The following DOCK4 variants were observed in gnomAD, a reference collection of about 807,000 sequenced individuals.
DOCK4 encodes the protein dedicator of cytokinesis protein 4.
DOCK4 carries 97 observed loss-of-function variants against 268.1 expected under a neutral mutation model. That is an observed-to-expected ratio of 0.36 (90% CI 0.31 to 0.43). The LOEUF (loss-of-function observed/expected upper bound fraction) is 0.43. Ranked by LOEUF, DOCK4 falls within the 20% of genes least tolerant of loss-of-function variation. The probability of loss-of-function intolerance (pLI) is 1.00; values close to 1 mark genes in which losing one functional copy is unlikely to be tolerated. For synonymous variants in DOCK4, 954 were observed against 887.2 expected, an observed-to-expected ratio of 1.08 and a Z score of -1.34; for missense variants, 2,145 against 2,455.7, an observed-to-expected ratio of 0.87 and a Z score of 2.67.
intron 51 of DOCK4, 133 bp downstream of exon 51, chr7:111,734,921 G>T: frequency 1.4e-6 from 1 of 697,934 alleles, no homozygotes; most frequent in Non-Finnish European, 2.5e-6. Flanking sequence ...AATTGTCAAG[G>T]AATTATGCAG....
chr7:111,929,682 C>A (rs1037423166), intron 12 of DOCK4, among the ~76,000 whole-genome samples: 3 of 151,250 alleles, frequency 2.0e-5, no homozygotes, highest in Non-Finnish European at 2.9e-5. Context: ...CATATATTTC[C>A]TGAATAGAGT....
intron 26 of DOCK4, among the ~76,000 whole-genome samples, chr7:111,829,856 A>T (rs1041644083): frequency 6.6e-6 from 1 of 152,208 alleles, no homozygotes; most frequent in Non-Finnish European, 1.5e-5. Flanking sequence ...ACTTGGCAGC[A>T]AAACCTGACC....
At chr7:112,135,935 C>G (rs953837358) in intron 1 of DOCK4, among the ~76,000 whole-genome samples, 2 of 152,160 alleles carry the variant, frequency 1.3e-5, no homozygotes, top group African/African-American at 4.8e-5. Context: ...TCCAGGCCAC[C>G]TGCCCCAAAT....
At chr7:111,759,752 C>G (rs958524018) in intron 40 of DOCK4, among the ~76,000 whole-genome samples, 1 of 128,270 alleles carries the variant, frequency 7.8e-6, no homozygotes, top group African/African-American at 3.1e-5. Flanking sequence ...GTAGCTCTTT[C>G]TCTTCCATTC....
At position 112,056,052 on chromosome 7, in the gene DOCK4, T is replaced by C. The variant is rs528441794; in HGVS notation, c.38-51921A>G. On this transcript the variant is annotated intron_variant, in intron 1 of 52. Transcript: ENST00000428084. Reference sequence around the variant, plus strand: ...TATGATCAGAGGAAACTTTTCCTTCTATCTTGAATCCAACTGTGCTTTGCA... The same window carrying C: ...TATGATCAGAGGAAACTTTTCCTTCCATCTTGAATCCAACTGTGCTTTGCA... Among the ~76,000 whole-genome samples, 248 of 152,284 alleles carry C rather than the reference T, an allele frequency of 1.6e-3. 1 individual carries two copies. The highest frequency in any genetic ancestry group is 5.6e-3 in the African/African-American group (234 of 41,544).
chr7:111,957,219 G>A (rs540112907), intron 8 of DOCK4, among the ~76,000 whole-genome samples: 6 of 152,066 alleles, frequency 3.9e-5, no homozygotes, highest in Non-Finnish European at 8.8e-5. Flanking sequence ...AATAAAAATC[G>A]CATATTGGAT....
At chr7:112,113,644 G>C (rs1337162705) in intron 1 of DOCK4, among the ~76,000 whole-genome samples, 1 of 150,030 alleles carries the variant, frequency 6.7e-6, no homozygotes, top group Non-Finnish European at 1.5e-5. Context: ...TGCAATCATA[G>C]CTCATTGCAG....
rs559008492 is a variant in DOCK4, at chr7:111,864,736, G to A, written c.2281-1172C>T. Among the ~76,000 whole-genome samples, 3 of 152,198 alleles carry A rather than the reference G, an allele frequency of 2.0e-5. No individual in the cohort carries two copies. The East Asian group carries it at 5.8e-4, about 29-fold the overall frequency. ...TGAATATATTTAAAGTTAATAACTT[G>A]ATATTCTCCGTTACAGCCTGCATTT... On this transcript the variant is annotated intron_variant, in intron 22 of 52. Coordinates refer to ENST00000428084, the MANE Select transcript of DOCK4 (RefSeq NM_001363540.2).
chr7:112,125,764 C>T (rs1813161858), intron 1 of DOCK4, among the ~76,000 whole-genome samples: 1 of 152,066 alleles, frequency 6.6e-6, no homozygotes, highest in African/African-American at 2.4e-5. Flanking sequence ...TGGCACTGCA[C>T]TCAATATATT....
At chr7:111,789,541 C>T (rs1295906394) in intron 31 of DOCK4, among the ~76,000 whole-genome samples, 2 of 152,178 alleles carry the variant, frequency 1.3e-5, no homozygotes, top group African/African-American at 2.4e-5. Flanking sequence ...AAATTTCAAT[C>T]AAGAGATAAA....
chr7:111,853,262 T>A (rs1804728199), intron 23 of DOCK4, among the ~76,000 whole-genome samples: 1 of 152,042 alleles, frequency 6.6e-6, no homozygotes, highest in Admixed American at 6.6e-5. Context: ...GGTCTGTGAG[T>A]TCCATGGCAG....
chr7:111,899,717 G>C (rs551738520), intron 15 of DOCK4, among the ~76,000 whole-genome samples: 91 of 152,258 alleles, frequency 6.0e-4, no homozygotes, highest in African/African-American at 2.0e-3. Context: ...GAGGTCAGGA[G>C]TTCAAGACCA....
At chr7:112,120,720 T>A (rs541574322) in intron 1 of DOCK4, among the ~76,000 whole-genome samples, 10 of 152,238 alleles carry the variant, frequency 6.6e-5, no homozygotes, top group Non-Finnish European at 1.5e-4. Context: ...TTATACTATA[T>A]AAAATTGCAA....
chr7:111,750,009 T>C (rs1227637761), intron 42 of DOCK4, among the ~76,000 whole-genome samples: 1 of 152,214 alleles, frequency 6.6e-6, no homozygotes, highest in Non-Finnish European at 1.5e-5. Context: ...AGATATGTGA[T>C]AGAGTGTTCA....
At chr7:111,854,036 T>C (rs1804803150) in intron 23 of DOCK4, among the ~76,000 whole-genome samples, 1 of 152,020 alleles carries the variant, frequency 6.6e-6, no homozygotes, top group Non-Finnish European at 1.5e-5. Context: ...GTGCAAGTGA[T>C]TCTCCTGCCT....
intron 43 of DOCK4, 78 bp from the exon 44 acceptor site, chr7:111,746,495 G>T: frequency 1.8e-6 from 2 of 1,134,626 alleles, no homozygotes; most frequent in Non-Finnish European, 1.3e-6. Flanking sequence ...TAAAGACCTG[G>T]CATCTTTATG....
chr7:111,887,611 CT>C (rs1163297816), intron 16 of DOCK4, among the ~76,000 whole-genome samples: 1 of 152,036 alleles, frequency 6.6e-6, no homozygotes, highest in Non-Finnish European at 1.5e-5. Flanking sequence ...GCTTTAGCCC[CT>C]GGCTGGGCAC....
chr7:111,868,221 G>A lies in DOCK4; in HGVS notation c.2110-67C>T, dbSNP rs148219312. The A allele has an allele frequency of 2.7e-3, 3,446 of 1,258,422 alleles. 44 individuals carry two copies. Among genetic ancestry groups the A allele is most frequent in the African/African-American group, 0.02 (1,318 of 66,034 alleles). 78.0% of individuals were successfully genotyped at this position (1,258,422 alleles called of 1,614,324 possible). ...AAGAGTATTTATTTAGCAATGACACGGCATAAAAACCATGGTATGGCATTA... is the reference window on the plus strand; with the variant it reads ...AAGAGTATTTATTTAGCAATGACACAGCATAAAAACCATGGTATGGCATTA... On this transcript the variant is annotated intron_variant, in intron 21 of 52. Transcript: ENST00000428084.
chr7:111,973,095 A>C (rs993987675), intron 8 of DOCK4, among the ~76,000 whole-genome samples: 7 of 148,012 alleles, frequency 4.7e-5, no homozygotes, highest in African/African-American at 1.5e-4. Flanking sequence ...CTCTAATTTC[A>C]TCCAGGTTGC....
Sources: allele counts gnomAD v4.1 joint callset (sites outside exome capture counted in the v4.1 genomes callset), GRCh38; gene constraint gnomAD v4.1.1; transcripts MANE v1.5; gene names NCBI Gene and HGNC (gene_info 2026-07-23, HGNC 2026-07-21).